Variants in IL23R observed in about 807,000 individuals in gnomAD.
IL23R encodes interleukin 23 receptor.
Under a neutral mutation model 56.9 loss-of-function variants are expected in IL23R, and 34 were observed. The ratio of observed to expected loss-of-function variants is 0.60; its 90% CI spans 0.45 to 0.80. The LOEUF is 0.80. Among genes scored for constraint, IL23R ranks in the 30% least tolerant of loss-of-function variants. The pLI is 0.00. For missense variants in IL23R, 635 were observed against 730.0 expected (o/e 0.87, Z 1.50); for synonymous variants, 230 against 249.2 (o/e 0.92, Z 0.73).
At chr1:67,214,963 T>C (rs935819737) in intron 6 of IL23R, among the ~76,000 whole-genome samples, 2 of 152,194 alleles carry the variant, frequency 1.3e-5, no homozygotes, top group African/African-American at 4.8e-5. Context: ...TAGAAGAACA[T>C]TGTGAAACTC....
intron 6 of IL23R, among the ~76,000 whole-genome samples, chr1:67,217,425 AT>A (rs1437819391): frequency 1.3e-5 from 2 of 152,126 alleles, no homozygotes; most frequent in Non-Finnish European, 2.9e-5. Flanking sequence ...TCTTCTTACT[AT>A]TTTGGAATTC....
intron 3 of IL23R, among the ~76,000 whole-genome samples, chr1:67,180,981 A>G (rs1647132594): frequency 6.6e-6 from 1 of 152,208 alleles, no homozygotes; most frequent in Non-Finnish European, 1.5e-5. Context: ...GTTTCTGCTG[A>G]GAGATCCGCT....
intron 1 of IL23R, among the ~76,000 whole-genome samples, chr1:67,149,302 C>A (rs1442022764): frequency 6.6e-6 from 1 of 152,082 alleles, no homozygotes; most frequent in African/African-American, 2.4e-5. Flanking sequence ...GCCTCGTTGG[C>A]CACCCCGTGG....
intron 6 of IL23R, among the ~76,000 whole-genome samples, chr1:67,218,350 G>GTA (rs1224249825): frequency 1.0e-4 from 14 of 137,292 alleles, no homozygotes; most frequent in African/African-American, 3.2e-4. Flanking sequence ...GTGTGTGTGT[G>GTA]TGTGTGTGTA....
intron 8 of IL23R, 86 bp downstream of exon 8, chr1:67,236,888 G>T: frequency 1.6e-5 from 14 of 869,270 alleles, no homozygotes; most frequent in Non-Finnish European, 2.7e-5. Context: ...CACATCAGGT[G>T]TTAAGTTTCT....
intron 7 of IL23R, among the ~76,000 whole-genome samples, chr1:67,235,357 C>T (rs987491204): frequency 3.3e-5 from 5 of 151,846 alleles, no homozygotes; most frequent in African/African-American, 9.7e-5. Context: ...ACCCTCCTCA[C>T]GCTTATGCCT....
At chr1:67,186,775 C>T (rs568748420) in intron 4 of IL23R, among the ~76,000 whole-genome samples, 7 of 152,170 alleles carry the variant, frequency 4.6e-5, no homozygotes, top group Non-Finnish European at 1.0e-4. Flanking sequence ...CACGCCACCA[C>T]GCCCAGCTGA....
At position 67,182,972 on chromosome 1, in the gene IL23R, C is replaced by T. The variant is rs1647174088; in HGVS notation, c.491+13C>T. The stretch of plus-strand genomic sequence containing the variant: ...TACATGTGAAGAGGTAGGTCACTTC[C>T]TCACGGCTTCATATAAGCAGTTCCA... On this transcript the variant is annotated intron_variant, in intron 4 of 10. Transcript: ENST00000347310. 6.2e-7 allele frequency: 1 copy of T among 1,613,724 alleles called. No homozygotes were observed. Among genetic ancestry groups the T allele is most frequent in the Non-Finnish European group, 8.5e-7 (1 of 1,179,754 alleles).
At chr1:67,207,303 C>G in intron 6 of IL23R, 3 of 550,908 alleles carry the variant, frequency 5.4e-6, no homozygotes, top group Non-Finnish European at 9.8e-6. Context: ...GATCCTGTCA[C>G]CCAGGTGCTA....
chr1:67,228,814 A>ACC (rs1650912394), intron 7 of IL23R, among the ~76,000 whole-genome samples: 1 of 151,468 alleles, frequency 6.6e-6, no homozygotes, highest in Non-Finnish European at 1.5e-5. Flanking sequence ...TCTTTCTCTG[A>ACC]CTCTCAACCT....
intron 3 of IL23R, among the ~76,000 whole-genome samples, chr1:67,169,974 G>A (rs1646921765): frequency 6.6e-6 from 1 of 152,134 alleles, no homozygotes; most frequent in Non-Finnish European, 1.5e-5. Context: ...TACCCTGAAC[G>A]AACACTGCAT....
intron 1 of IL23R, among the ~76,000 whole-genome samples, chr1:67,142,085 T>G (rs980985651): frequency 1.3e-5 from 2 of 152,156 alleles, no homozygotes; most frequent in Non-Finnish European, 2.9e-5. Flanking sequence ...AAGGGAGAGA[T>G]AAGGCTCACT....
rs1410099878 is a variant in IL23R, at chr1:67,219,877, G to A, written c.955+147G>A. Reference sequence around the variant, plus strand: ...GCCTAGGAGTTTGAGACTGGCCTGGGCAACATAGTGAGACCCTAGTCTGTA... The same window carrying A: ...GCCTAGGAGTTTGAGACTGGCCTGGACAACATAGTGAGACCCTAGTCTGTA... On this transcript the variant is annotated intron_variant, in intron 7 of 10. Coordinates refer to ENST00000347310, the MANE Select transcript of IL23R (RefSeq NM_144701.3). 3 of 742,238 alleles carry A rather than the reference G, an allele frequency of 4.0e-6. No homozygotes were observed. The African/African-American group carries it at 5.3e-5, about 13-fold the overall frequency. The allele number at this position is 742,238 out of a possible 1,614,324, so 46.0% of individuals were successfully genotyped here.
In IL23R at chr1:67,257,797, G is replaced by A. The variant is rs11465824; in HGVS notation, c.1240-681G>A. Among the ~76,000 whole-genome samples, 1,181 of 152,190 alleles carry A rather than the reference G, an allele frequency of 7.8e-3. 16 individuals carry two copies. Among genetic ancestry groups the A allele is most frequent in the African/African-American group, 0.027 (1,117 of 41,534 alleles). Reference sequence around the variant, plus strand: ...CAGCTCACTGCAACCTCCGCCTCCCGGGCTCAAGCAATTCTCCTGTCTCAG... The same window carrying A: ...CAGCTCACTGCAACCTCCGCCTCCCAGGCTCAAGCAATTCTCCTGTCTCAG... On this transcript the variant is annotated intron_variant, in intron 10 of 10. Coordinates refer to ENST00000347310, the MANE Select transcript of IL23R (RefSeq NM_144701.3).
intron 1 of IL23R, among the ~76,000 whole-genome samples, chr1:67,148,188 G>T (rs1170394816): frequency 6.6e-6 from 1 of 152,256 alleles, no homozygotes; most frequent in African/African-American, 2.4e-5. Context: ...ACACCCTGCC[G>T]GATCCAGAGG....
At chr1:67,263,863 C>CAAA (rs11321157), downstream of IL23R, among the ~76,000 whole-genome samples, 2 of 134,182 alleles carry the variant, frequency 1.5e-5, no homozygotes, top group Non-Finnish European at 3.2e-5. Flanking sequence ...GACTCCATCG[C>CAAA]AAAAAAAAAA....
chr1:67,248,900 T>C (rs1174128647), intron 9 of IL23R, among the ~76,000 whole-genome samples: 1 of 152,156 alleles, frequency 6.6e-6, no homozygotes, highest in African/African-American at 2.4e-5. Context: ...TCATGGCTTC[T>C]TTTGACTAGG....
intron 4 of IL23R, among the ~76,000 whole-genome samples, chr1:67,189,897 T>C (rs994258903): frequency 1.3e-5 from 2 of 152,108 alleles, no homozygotes; most frequent in Admixed American, 6.5e-5. Context: ...AGTGAGCCAC[T>C]GTACTCCAGC....
intron 3 of IL23R, among the ~76,000 whole-genome samples, 184 bp downstream of exon 3, chr1:67,169,822 C>T (rs1247859498): frequency 1.3e-5 from 2 of 152,192 alleles, no homozygotes; most frequent in African/African-American, 2.4e-5. Context: ...ACTGTAGCCA[C>T]TGCCCAGATC....
Sources: gnomAD v4.1 joint callset for allele counts (sites outside exome capture counted in the v4.1 genomes callset) on GRCh38, gnomAD v4.1.1 for gene constraint, MANE v1.5 for transcripts, NCBI Gene and HGNC (gene_info 2026-07-23, HGNC 2026-07-21) for gene names.